Variants in STAB2 observed in about 807,000 individuals in gnomAD.
The protein encoded by STAB2 is stabilin-2.
Under a neutral mutation model 338.1 loss-of-function variants are expected in STAB2, and 288 were observed. That is an observed-to-expected ratio of 0.85 (90% confidence interval 0.77 to 0.94). STAB2 has a LOEUF of 0.94. Ranked by LOEUF, STAB2 falls within the 40% of genes least tolerant of loss-of-function variation. STAB2 has a pLI of 0.00. For synonymous variants in STAB2, 1,202 were observed against 1,193.3 expected (o/e 1.01, Z -0.15); for missense variants, 3,141 against 3,210.1 (o/e 0.98, Z 0.52).
intron 8 of STAB2, among the ~76,000 whole-genome samples, chr12:103,639,629 G>A (rs929523335): frequency 4.6e-5 from 7 of 150,810 alleles, no homozygotes; most frequent in Non-Finnish European, 8.8e-5. Flanking sequence ...ACATGAGCCT[G>A]GGAAGTAAAG....
Position 103,727,285 on chromosome 12 carries a change from C to T in STAB2, c.4870C>T (p.Leu1624=). 1 of 1,614,228 alleles carries T rather than the reference C, an allele frequency of 6.2e-7. No homozygotes were observed. Among genetic ancestry groups the T allele is most frequent in the Middle Eastern group, 1.6e-4 (1 of 6,062 alleles). The change falls in exon 47 of 69, where the codon CTG becomes TTG. Residue 1624 remains leucine (L), a synonymous_variant. Coordinates refer to ENST00000388887, the MANE Select transcript of STAB2 (RefSeq NM_017564.10). ...CCCACAGGAGCATTTCGTGAAAGAT[C>T]TGGTCGGCCCAGGCCCCTTCACTGT... ...FQLQEHFVKD[L]VGPGPFTVFA...
Position 103,759,228 on chromosome 12 carries a change from G to A in STAB2, c.7203G>A (p.Leu2401=). Residue 2401 remains leucine, a synonymous_variant, in exon 65 of 69, where the codon CTG becomes CTA. Coordinates refer to ENST00000388887, the MANE Select transcript of STAB2 (RefSeq NM_017564.10). Reference sequence around the variant, plus strand: ...ATGGCACCACCCTGCAAACGAGGCTGGGAAGCAAGCTGCTCATCACTGCCA... The same window carrying A: ...ATGGCACCACCCTGCAAACGAGGCTAGGAAGCAAGCTGCTCATCACTGCCA... ...LVNGTTLQTR[L]GSKLLITASQ... 6.2e-7 allele frequency: 1 copy of A among 1,614,164 alleles called. No individual in the cohort carries two copies. The highest frequency in any genetic ancestry group is 1.1e-5 in the South Asian group (1 of 91,084).
At chr12:103,726,197 G>A (rs765893900) in intron 46 of STAB2, 34 bp downstream of exon 46, 2 of 1,612,004 alleles carry the variant, frequency 1.2e-6, no homozygotes, top group Admixed American at 3.3e-5. Context: ...AGCCATAAGA[G>A]TTCAGCCTAG....
At position 103,656,674 on chromosome 12, in the gene STAB2, A is replaced by C. The variant is rs1216527658; in HGVS notation, c.1734+1093A>C. On this transcript the variant is annotated intron_variant, in intron 15 of 68. Coordinates refer to ENST00000388887, the MANE Select transcript of STAB2 (RefSeq NM_017564.10). ...AGGATATCTTGCTGTCAAAAAACTT[A>C]GGATTTTTTTTTTTTTTTTTTTTGA... is the stretch of plus-strand genomic sequence containing the variant. Among the ~76,000 whole-genome samples the C allele has an allele frequency of 3.7e-5, 5 of 136,970 alleles. No homozygotes were observed. The East Asian group carries it at 6.4e-4, about 17-fold the overall frequency. The allele number at this position is 136,970 out of a possible 152,430, so 89.9% of individuals were successfully genotyped here. A position where few individuals can be genotyped will look rare whatever the true frequency, so the allele number is the denominator to read the frequency against.
At chr12:103,750,539 A>G (rs538136323) in intron 59 of STAB2, 40 bp from the exon 60 acceptor site, 3 of 1,608,698 alleles carry the variant, frequency 1.9e-6, no homozygotes, top group South Asian at 2.2e-5. Context: ...GGGGTCCTAG[A>G]GAAGGAACTT....
intron 28 of STAB2, 67 bp from the exon 29 acceptor site, chr12:103,689,779 G>T: frequency 6.4e-7 from 1 of 1,555,560 alleles, no homozygotes; most frequent in Non-Finnish European, 8.7e-7. Context: ...TCTCTTCCAA[G>T]CATTTAAGGC....
intron 33 of STAB2, among the ~76,000 whole-genome samples, chr12:103,698,412 G>A (rs965393650): frequency 6.6e-6 from 1 of 152,090 alleles, no homozygotes; most frequent in Admixed American, 6.5e-5. Flanking sequence ...CATCAAGAGG[G>A]TAAGAAGGTT....
At position 103,710,733 on chromosome 12, in the gene STAB2, CA is replaced by C. The variant is rs748745530; in HGVS notation, c.4289-734del. ...ATTTGAGTCTAAATTCCCTCCGACACAAAACAGACCACTTTTGCAGGCCTCT... is the reference window on the plus strand; with the variant it reads ...ATTTGAGTCTAAATTCCCTCCGACACAAACAGACCACTTTTGCAGGCCTCT... On this transcript the variant is annotated intron_variant, in intron 39 of 68. Transcript: ENST00000388887. Among the ~76,000 whole-genome samples the C allele has an allele frequency of 1.9e-3, 290 of 152,336 alleles. 3 individuals carry two copies. The highest frequency in any genetic ancestry group is 6.6e-4 in the Non-Finnish European group (45 of 68,028).
intron 33 of STAB2, among the ~76,000 whole-genome samples, chr12:103,697,128 C>T (rs532745323): frequency 1.4e-4 from 22 of 152,294 alleles, no homozygotes; most frequent in Non-Finnish European, 3.1e-4. Flanking sequence ...CTCAGGGAAG[C>T]TGGCCCTGGC....
rs2139269105 is a variant in STAB2 at position 103,766,474 on chromosome 12, G to C, written c.*138G>C. 9.8e-7 allele frequency: 1 copy of C among 1,015,556 alleles called. No individual in the cohort carries two copies. The highest frequency in any genetic ancestry group is 1.6e-5 in the African/African-American group (1 of 61,598). The allele number at this position is 1,015,556 out of a possible 1,614,324, so 62.9% of individuals were successfully genotyped here. A position where few individuals can be genotyped will look rare whatever the true frequency, so the allele number is the denominator to read the frequency against. On this transcript the variant is annotated 3_prime_UTR_variant, in exon 69 of 69. Transcript: ENST00000388887. ...CATACCTCATCTCTCTGGCTGATCT[G>C]GGGGTTGTTTCTGTGGGTGAGAGAT... is the stretch of plus-strand genomic sequence containing the variant.
At position 103,762,392 on chromosome 12, in the gene STAB2, A is replaced by G. The variant is rs1421471388; in HGVS notation, c.7478A>G (p.Gln2493Arg). The change falls in exon 67 of 69, where the codon CAG becomes CGG. Residue 2493 changes from glutamine to arginine, a missense_variant. Coordinates refer to ENST00000388887, the MANE Select transcript of STAB2 (RefSeq NM_017564.10). The part of the protein sequence containing the change: ...FRINRRTIGF[Q>R]HFESEEDINV... The stretch of plus-strand genomic sequence containing the variant: ...ATAAACCGGAGAACAATCGGCTTCC[A>G]GCATTTTGAGGTAAGAGAGAAAAAT... 3 of 1,614,240 alleles carry G rather than the reference A, an allele frequency of 1.9e-6. No individual in the cohort carries two copies. Among genetic ancestry groups the G allele is most frequent in the Non-Finnish European group, 8.5e-7 (1 of 1,180,038 alleles).
intron 42 of STAB2, among the ~76,000 whole-genome samples, chr12:103,715,208 G>T (rs541442410): frequency 3.9e-5 from 6 of 152,278 alleles, no homozygotes; most frequent in African/African-American, 1.4e-4. Context: ...AAGTGATATT[G>T]CATCTGTCTC....
At position 103,765,086 on chromosome 12, in the gene STAB2, C is replaced by CAA. The variant is rs56002429; in HGVS notation, c.7606-1176_7606-1175dup. Among the ~76,000 whole-genome samples, 318 of 66,444 alleles carry CAA rather than the reference C, an allele frequency of 4.8e-3. 1 individual carries two copies. The highest frequency in any genetic ancestry group is 0.035 in the East Asian group (93 of 2,688). The allele number at this position is 66,444 out of a possible 152,430, so 43.6% of individuals were successfully genotyped here. A position where few individuals can be genotyped will look rare whatever the true frequency, so the allele number is the denominator to read the frequency against. On this transcript the variant is annotated intron_variant, in intron 68 of 68. Transcript: ENST00000388887. ...TGGGCAGCAGAGCAAGACTCTGTCTCAAAAAAAAAAAAAAAAAAAAAAAAA... is the reference window on the plus strand; with the variant it reads ...TGGGCAGCAGAGCAAGACTCTGTCTCAAAAAAAAAAAAAAAAAAAAAAAAAAA...
Position 103,655,567 on chromosome 12 carries a change from C to T in STAB2, c.1720C>T (p.Leu574Phe). 1 of 1,613,838 alleles carries T rather than the reference C, an allele frequency of 6.2e-7. No individual in the cohort carries two copies. Among genetic ancestry groups the T allele is most frequent in the Non-Finnish European group, 8.5e-7 (1 of 1,179,964 alleles). The change falls in exon 15 of 69, where the codon CTC (leucine) becomes TTC (phenylalanine). Residue 574 changes from leucine (L) to phenylalanine (F), a missense_variant. Leu to Phe is a conservative substitution (Grantham distance 22). Coordinates refer to ENST00000388887, the MANE Select transcript of STAB2 (RefSeq NM_017564.10). The stretch of plus-strand genomic sequence containing the variant: ...CATGAAGGACGGCACTCTCGATTAC[C>T]TCCTTTCTCCAGAGGTACCGTATTC... The part of the protein sequence containing the change: ...NNMKDGTLDY[L>F]LSPEGSRKLL...
intron 34 of STAB2, among the ~76,000 whole-genome samples, chr12:103,700,671 A>G (rs993133592): frequency 5.9e-5 from 9 of 152,136 alleles, no homozygotes; most frequent in African/African-American, 1.9e-4. Context: ...CTTTTATTTC[A>G]TCATGTAGAG....
intron 9 of STAB2, among the ~76,000 whole-genome samples, chr12:103,646,042 G>T (rs910709131): frequency 6.6e-6 from 1 of 152,146 alleles, no homozygotes; most frequent in Non-Finnish European, 1.5e-5. Context: ...CCAGCACTTT[G>T]GGAGGCCAAA....
In STAB2 at chr12:103,749,120, G is replaced by A; in HGVS notation, c.6402G>A (p.Gly2134=). 6.2e-7 allele frequency: 1 copy of A among 1,610,126 alleles called. No individual in the cohort carries two copies. Among genetic ancestry groups the A allele is most frequent in the Non-Finnish European group, 8.5e-7 (1 of 1,176,952 alleles). The change falls in exon 59 of 69, where the codon GGG becomes GGA. Residue 2134 remains glycine, a synonymous_variant. Coordinates refer to ENST00000388887, the MANE Select transcript of STAB2 (RefSeq NM_017564.10). ...CCTGTGCAGACGGCCTTAACGGAGG[G>A]TGTCACGAGCACGCCACCTGTAAGA... ...IDPCADGLNG[G]CHEHATCKMT... is the part of the protein sequence containing the mutation.
At chr12:103,647,037 A>G (rs528226832) in intron 9 of STAB2, among the ~76,000 whole-genome samples, 22 of 152,364 alleles carry the variant, frequency 1.4e-4, no homozygotes, top group African/African-American at 4.8e-4. Flanking sequence ...TGGAATTTTC[A>G]GTGGACAGCA....
At chr12:103,708,406 G>A in intron 38 of STAB2, 35 bp from the exon 39 acceptor site, 2 of 1,601,438 alleles carry the variant, frequency 1.2e-6, no homozygotes, top group Non-Finnish European at 1.7e-6. Context: ...ACATGGGTTA[G>A]AATCTGACGA....
Sources: allele counts gnomAD v4.1 joint callset (sites outside exome capture counted in the v4.1 genomes callset), GRCh38; gene constraint gnomAD v4.1.1; transcripts MANE v1.5; gene names NCBI Gene and HGNC (gene_info 2026-07-23, HGNC 2026-07-21).